Variants in TRDN observed in about 807,000 individuals in gnomAD.
TRDN encodes triadin, also known as triadin in skeletal muscle.
In TRDN, 161 loss-of-function variants were observed where a neutral mutation model predicts 149.7. The observed-to-expected ratio is 1.08, with a 90% confidence interval of 0.95 to 1.23. The LOEUF (loss-of-function observed/expected upper bound fraction) is 1.23, where lower values mean the gene tolerates loss of function less well. TRDN is among the 50% of genes most tolerant of loss of function. The pLI is 0.00. For synonymous variants in TRDN, 294 were observed against 250.5 expected (o/e 1.17, Z -1.64); for missense variants, 896 against 823.5 (o/e 1.09, Z -1.08).
chr6:123,573,675 A>G (rs1782687128), intron 1 of TRDN, among the ~76,000 whole-genome samples: 1 of 152,078 alleles, frequency 6.6e-6, no homozygotes, highest in Non-Finnish European at 1.5e-5. Context: ...AGGAACATAC[A>G]GTATAATTTA....
At chr6:123,393,827 G>A in intron 12 of TRDN, 150 bp from the exon 13 acceptor site, 1 of 661,168 alleles carries the variant, frequency 1.5e-6, no homozygotes, top group Non-Finnish European at 2.5e-6. Context: ...ACTTATTAGA[G>A]GAATTGCTGA....
At chr6:123,627,176 C>T (rs1785721058) in intron 1 of TRDN, among the ~76,000 whole-genome samples, 1 of 152,054 alleles carries the variant, frequency 6.6e-6, no homozygotes. Context: ...GTGATCCACC[C>T]ACCTTGGCCT....
chr6:123,425,741 G>A (rs997883065), intron 12 of TRDN, among the ~76,000 whole-genome samples: 7 of 152,064 alleles, frequency 4.6e-5, no homozygotes, highest in African/African-American at 1.4e-4. Flanking sequence ...TAAGTACAGC[G>A]GGGATGAGAG....
At chr6:123,284,616 G>T (rs1457526755) in intron 24 of TRDN, among the ~76,000 whole-genome samples, 1 of 152,028 alleles carries the variant, frequency 6.6e-6, no homozygotes. Context: ...GGACAAGGAT[G>T]CCCACTCCCA....
At chr6:123,421,379 A>G (rs1190732952) in intron 12 of TRDN, among the ~76,000 whole-genome samples, 8 of 152,140 alleles carry the variant, frequency 5.3e-5, no homozygotes, top group East Asian at 3.9e-4. Flanking sequence ...GATTTTGTCA[A>G]TCTGTTTCCT....
intron 28 of TRDN, 54 bp from the exon 29 acceptor site, chr6:123,273,065 G>T: frequency 8.1e-7 from 1 of 1,241,762 alleles, no homozygotes; most frequent in Non-Finnish European, 1.1e-6. Context: ...TGGGAAAATA[G>T]CTAGCAGATT....
At chr6:123,415,305 A>G (rs1773604629) in intron 12 of TRDN, among the ~76,000 whole-genome samples, 1 of 152,212 alleles carries the variant, frequency 6.6e-6, no homozygotes, top group South Asian at 2.1e-4. Flanking sequence ...AATTATAAAA[A>G]TATTTACCAT....
chr6:123,515,486 G>C (rs912586139), intron 6 of TRDN, among the ~76,000 whole-genome samples: 1 of 151,754 alleles, frequency 6.6e-6, no homozygotes, highest in Non-Finnish European at 1.5e-5. Context: ...GATATGAGAA[G>C]ATTTCAGGAT....
At chr6:123,356,361 A>G (rs531524230) in intron 20 of TRDN, among the ~76,000 whole-genome samples, 1 of 151,336 alleles carries the variant, frequency 6.6e-6, no homozygotes, top group Non-Finnish European at 1.5e-5. Flanking sequence ...GGCTAATTAC[A>G]TCAATTTGTA....
intron 8 of TRDN, chr6:123,503,357 G>A (rs1583157122): frequency 2.0e-6 from 2 of 985,142 alleles, no homozygotes; most frequent in Non-Finnish European, 2.4e-6. Context: ...TCATTTTGGG[G>A]GACCACTTTC....
intron 1 of TRDN, among the ~76,000 whole-genome samples, chr6:123,618,212 A>G (rs1456370948): frequency 2.0e-5 from 3 of 152,192 alleles, no homozygotes; most frequent in Non-Finnish European, 1.5e-5. Flanking sequence ...ACAATTCTGT[A>G]CTTGGAAGTC....
chr6:123,237,925 T>A (rs922092468), intron 38 of TRDN, among the ~76,000 whole-genome samples: 1 of 152,112 alleles, frequency 6.6e-6, no homozygotes, highest in South Asian at 2.1e-4. Context: ...GAAATGACAA[T>A]TAAATTGATA....
intron 1 of TRDN, among the ~76,000 whole-genome samples, chr6:123,617,858 C>T (rs923669732): frequency 2.0e-5 from 3 of 152,060 alleles, no homozygotes. Flanking sequence ...CCTGCCTCAG[C>T]CTCCAAGTAG....
intron 9 of TRDN, among the ~76,000 whole-genome samples, chr6:123,473,725 A>C (rs1489508361): frequency 1.3e-5 from 2 of 151,944 alleles, no homozygotes; most frequent in African/African-American, 2.4e-5. Flanking sequence ...AGGGAAGCCC[A>C]TCAGACTAAC....
At chr6:123,536,961 T>C (rs1780577908) in intron 4 of TRDN, among the ~76,000 whole-genome samples, 1 of 152,002 alleles carries the variant, frequency 6.6e-6, no homozygotes, top group South Asian at 2.1e-4. Context: ...CAGAAATTTT[T>C]TCATGTACTG....
At chr6:123,517,488 T>C (rs1469319533) in intron 5 of TRDN, among the ~76,000 whole-genome samples, 1 of 152,134 alleles carries the variant, frequency 6.6e-6, no homozygotes, top group Non-Finnish European at 1.5e-5. Flanking sequence ...CCTCACTGCT[T>C]AGTATGGTAT....
At chr6:123,604,909 G>C (rs72962857) in intron 1 of TRDN, among the ~76,000 whole-genome samples, 66 of 152,124 alleles carry the variant, frequency 4.3e-4, no homozygotes, top group Admixed American at 1.4e-3. Flanking sequence ...TGAATTTATA[G>C]TCACTAGAAT....
At position 123,522,073 on chromosome 6, in the gene TRDN, G is replaced by A. The variant is rs565280097; in HGVS notation, c.485-5867C>T. Among the ~76,000 whole-genome samples, 16 of 152,098 alleles carry A rather than the reference G, an allele frequency of 1.1e-4. No individual in the cohort carries two copies. In the South Asian group the frequency reaches 1.5e-3, roughly 14 times the overall value. ...GCCTGCCAGAATACACCCTATTCCC[G>A]CTGTCTAGCCCACTCTGAAGCTGAC... On this transcript the variant is annotated intron_variant, in intron 5 of 40. Coordinates refer to ENST00000334268, the MANE Select transcript of TRDN (RefSeq NM_006073.4).
chr6:123,396,581 A>T (rs1476446285), intron 12 of TRDN, among the ~76,000 whole-genome samples: 1 of 152,176 alleles, frequency 6.6e-6, no homozygotes, highest in Non-Finnish European at 1.5e-5. Flanking sequence ...AGCATAATTC[A>T]CTTGGGGGTG....
Sources: allele counts gnomAD v4.1 joint callset (sites outside exome capture counted in the v4.1 genomes callset), GRCh38; gene constraint gnomAD v4.1.1; transcripts MANE v1.5; gene names NCBI Gene and HGNC (gene_info 2026-07-23, HGNC 2026-07-21).